MANEA: variants seen among roughly 807,000 people sequenced by gnomAD.
The protein encoded by MANEA is mannosidase endo-alpha, also known as glycoprotein endo-alpha-1,2-mannosidase.
MANEA carries 25 observed loss-of-function variants against 36.8 expected under a neutral mutation model. The observed-to-expected ratio is 0.68, with a 90% CI of 0.50 to 0.95. MANEA has a LOEUF of 0.95. MANEA is among the 40% of genes least tolerant of loss of function. The probability of loss-of-function intolerance (pLI) is 0.00; values close to 1 mark genes in which losing one functional copy is unlikely to be tolerated. For synonymous variants in MANEA, 198 were observed against 188.5 expected, an observed-to-expected ratio of 1.05 and a Z score of -0.41; for missense variants, 565 against 558.8, an observed-to-expected ratio of 1.01 and a Z score of -0.11.
In MANEA at chr6:95,586,822, T is replaced by C; in HGVS notation, c.383T>C (p.Leu128Ser). ...TATATACATTGGAATCATCCAGTGTTAGAGCATTGGGACCCTAGAATAGCC... is the reference window on the plus strand; with the variant it reads ...TATATACATTGGAATCATCCAGTGTCAGAGCATTGGGACCCTAGAATAGCC... ...GKYIHWNHPV[L>S]EHWDPRIAKN... is the part of the protein sequence containing the mutation. Residue 128 changes from leucine (L) to serine (S), a missense_variant, in exon 2 of 5, where the codon TTA becomes TCA. Coordinates refer to ENST00000358812, the MANE Select transcript of MANEA (RefSeq NM_024641.4). The C allele has an allele frequency of 1.2e-6, 2 of 1,613,916 alleles. No individual in the cohort carries two copies. Among genetic ancestry groups the C allele is most frequent in the African/African-American group, 2.7e-5 (2 of 75,038 alleles).
chr6:95,586,977 T>G lies in MANEA; in HGVS notation c.538T>G (p.Ser180Ala), dbSNP rs762966690. ...TCACATGAGACAAATGCGCTCAGCTTCAATTGGTAATTATTGTATATATAT... is the reference window on the plus strand; with the variant it reads ...TCACATGAGACAAATGCGCTCAGCTGCAATTGGTAATTATTGTATATATAT... Reference protein sequence around the residue: ...ETHMRQMRSASIGVLALSWYP... With the variant: ...ETHMRQMRSAAIGVLALSWYP... The change falls in exon 2 of 5, where the codon TCA becomes GCA. Residue 180 changes from serine to alanine, a missense_variant. By Grantham distance (99) the Ser-to-Ala change is moderately conservative (BLOSUM62 1). Coordinates refer to ENST00000358812, the MANE Select transcript of MANEA (RefSeq NM_024641.4). 1.3e-6 allele frequency: 2 copies of G among 1,574,564 alleles called. No homozygotes were observed. Among genetic ancestry groups the G allele is most frequent in the Admixed American group, 1.7e-5 (1 of 59,184 alleles).
intron 3 of MANEA, among the ~76,000 whole-genome samples, chr6:95,601,564 CATAAGCCAGTT>C (rs1157080684): frequency 4.6e-5 from 7 of 152,068 alleles, no homozygotes; most frequent in Non-Finnish European, 7.4e-5. Flanking sequence ...GCAGAACCAT[CATAAGCCAGTT>C]CATAGATTTT....
rs114180301 is a variant in MANEA, at chr6:95,595,598, A to T, written c.545-1139A>T. Among the ~76,000 whole-genome samples, 886 of 152,194 alleles carry T rather than the reference A, an allele frequency of 5.8e-3. 11 individuals are homozygous for T. The highest frequency in any genetic ancestry group is 0.02 in the African/African-American group (836 of 41,534). On this transcript the variant is annotated intron_variant, in intron 2 of 4. Coordinates refer to ENST00000358812, the MANE Select transcript of MANEA (RefSeq NM_024641.4). ...TCTTACCTTCAATTTCTTAATTTCC[A>T]TATGCTTCTCTTTTGGTACCATTAT...
intron 1 of MANEA, among the ~76,000 whole-genome samples, chr6:95,586,174 T>A (rs13205436): frequency 6.6e-6 from 1 of 152,202 alleles, no homozygotes; most frequent in East Asian, 1.9e-4. Context: ...TACATGGTGA[T>A]ATATCCAAAT....
Position 95,606,381 on chromosome 6 carries a change from A to G in MANEA, c.1365A>G (p.Leu455=). The G allele has an allele frequency of 1.3e-6, 2 of 1,597,188 alleles. No individual in the cohort carries two copies. The highest frequency in any genetic ancestry group is 1.7e-6 in the Non-Finnish European group (2 of 1,177,168). ...GTAAGGAAAGAGCAACTTATGCATT[A>G]GATCGCCAGCTGCCTGTTTCTTAAT... The part of the protein sequence containing the change: ...KYSKERATYA[L]DRQLPVS The change falls in exon 5 of 5, where the codon TTA becomes TTG. Residue 455 remains leucine (L), a synonymous_variant. Transcript: ENST00000358812.
chr6:95,598,899 C>T (rs891028427), intron 3 of MANEA, among the ~76,000 whole-genome samples: 1 of 152,144 alleles, frequency 6.6e-6, no homozygotes, highest in Non-Finnish European at 1.5e-5. Flanking sequence ...TGGTTCCAAT[C>T]ATATGAAATC....
chr6:95,607,667 TG>T lies in MANEA; in HGVS notation c.*1263del, dbSNP rs1240843465. 1 of 151,738 alleles carries T rather than the reference TG, an allele frequency of 6.6e-6. No homozygotes were observed. Among genetic ancestry groups the T allele is most frequent in the African/African-American group, 2.4e-5 (1 of 41,436 alleles). 9.4% of individuals were successfully genotyped at this position (151,738 alleles called of 1,614,324 possible). On this transcript the variant is annotated 3_prime_UTR_variant, in exon 5 of 5. Transcript: ENST00000358812. ...AATACTTGTTATCAATAACTTGTCATGTTGTGACAAATTGATCACTTGTGTA... is the reference window on the plus strand; with the variant it reads ...AATACTTGTTATCAATAACTTGTCATTTGTGACAAATTGATCACTTGTGTA...
chr6:95,582,715 T>C (rs1299697945), intron 1 of MANEA, among the ~76,000 whole-genome samples: 2 of 152,250 alleles, frequency 1.3e-5, no homozygotes, highest in Non-Finnish European at 2.9e-5. Flanking sequence ...TTACCATATT[T>C]GCTTACCATT....
intron 2 of MANEA, among the ~76,000 whole-genome samples, chr6:95,595,859 A>G (rs550986679): frequency 6.6e-5 from 10 of 151,824 alleles, no homozygotes; most frequent in African/African-American, 2.2e-4. Context: ...CTATGTTAGA[A>G]TCTTCTGTTA....
intron 3 of MANEA, among the ~76,000 whole-genome samples, 162 bp from the exon 4 acceptor site, chr6:95,604,665 T>C (rs1166139448): frequency 6.6e-6 from 1 of 152,056 alleles, no homozygotes; most frequent in Non-Finnish European, 1.5e-5. Context: ...TATTTAGCAG[T>C]AAATTTTATT....
intron 3 of MANEA, 27 bp downstream of exon 3, chr6:95,596,873 C>A (rs763910911): frequency 8.5e-7 from 1 of 1,180,618 alleles, no homozygotes; most frequent in Non-Finnish European, 1.3e-6. Context: ...TCAAGCTATA[C>A]ATAAGTTAAT....
At chr6:95,578,342 C>A (rs1236935617) in intron 1 of MANEA, among the ~76,000 whole-genome samples, 1 of 151,990 alleles carries the variant, frequency 6.6e-6, no homozygotes, top group Non-Finnish European at 1.5e-5. Context: ...TGTTGTAAGA[C>A]CCTACGGATA....
chr6:95,604,061 GGTGTGTGTGTGTGT>G (rs71012509), intron 3 of MANEA, among the ~76,000 whole-genome samples: 1 of 138,320 alleles, frequency 7.2e-6, no homozygotes, highest in African/African-American at 2.7e-5. Context: ...TATGTATGTA[GGTGTGTGTGTGTGT>G]GTGTGTGTGT....
intron 2 of MANEA, among the ~76,000 whole-genome samples, chr6:95,591,143 TG>T (rs1292305907): frequency 2.6e-5 from 4 of 152,234 alleles, no homozygotes; most frequent in South Asian, 4.1e-4. Context: ...AAAGTAAGAA[TG>T]TTTTTTACAT....
At position 95,586,489 on chromosome 6, in the gene MANEA, TA is replaced by T. The variant is rs767947140; in HGVS notation, c.51del (p.Phe18LeufsTer5). 8 of 1,613,044 alleles carry T rather than the reference TA, an allele frequency of 5.0e-6. No individual in the cohort carries two copies. Among genetic ancestry groups the T allele is most frequent in the Admixed American group, 1.7e-5 (1 of 59,798 alleles). ...RTCIILALFI[L>X]FIFSLMMGLK... The stretch of plus-strand genomic sequence containing the variant: ...TGCATCATTTTGGCACTTTTTATTC[TA>T]TTTATTTTCTCTCTGATGATGGGTT... On this transcript the variant is annotated frameshift_variant, in exon 2 of 5. Coordinates refer to ENST00000358812, the MANE Select transcript of MANEA (RefSeq NM_024641.4). LOFTEE classifies it high-confidence loss of function.
chr6:95,596,757 T>C lies in MANEA; in HGVS notation c.565T>C (p.Tyr189His). The C allele has an allele frequency of 6.2e-7, 1 of 1,601,642 alleles. No homozygotes were observed. Among genetic ancestry groups the C allele is most frequent in the Non-Finnish European group, 8.6e-7 (1 of 1,169,052 alleles). Residue 189 changes from tyrosine to histidine, a missense_variant, in exon 3 of 5, where the codon TAC becomes CAC. By Grantham distance (83) the Tyr-to-His change is moderately conservative. Transcript: ENST00000358812. ...ASIGVLALSW[Y>H]PPDVNDENGE... is the part of the protein sequence containing the mutation. ...ATTAGGTGTACTAGCCCTCTCTTGG[T>C]ACCCACCTGATGTAAATGATGAAAA...
intron 4 of MANEA, 89 bp downstream of exon 4, chr6:95,604,992 TTGAA>T: frequency 2.2e-6 from 1 of 464,202 alleles, no homozygotes; most frequent in Non-Finnish European, 3.8e-6. Flanking sequence ...TATTTGAGAT[TTGAA>T]TGATTTATGA....
At position 95,586,422 on chromosome 6, in the gene MANEA, A is replaced by C. The variant is rs753390692; in HGVS notation, c.-18A>C. On this transcript the variant is annotated 5_prime_UTR_variant, in exon 2 of 5. Coordinates refer to ENST00000358812, the MANE Select transcript of MANEA (RefSeq NM_024641.4). Reference sequence around the variant, plus strand: ...TGCAGCAAAACACTTACTATTTTGGAGTTTAAAGTATGTCATCATGGCAAA... The same window carrying C: ...TGCAGCAAAACACTTACTATTTTGGCGTTTAAAGTATGTCATCATGGCAAA... The C allele has an allele frequency of 7.6e-6, 12 of 1,579,228 alleles. No homozygotes were observed. Among genetic ancestry groups the C allele is most frequent in the Non-Finnish European group, 8.6e-6 (10 of 1,161,824 alleles).
rs1332804721 is a variant in MANEA, at chr6:95,605,965, T to C, written c.949T>C (p.Phe317Leu). 6.2e-7 allele frequency: 1 copy of C among 1,614,012 alleles called. No homozygotes were observed. Among genetic ancestry groups the C allele is most frequent in the Admixed American group, 1.7e-5 (1 of 59,988 alleles). ...TAAGTATGATATTCTTCAAAGTGGT[T>C]TTGATGGAATTTACACATATTTTGC... ...KHKYDILQSG[F>L]DGIYTYFATN... Residue 317 changes from phenylalanine to leucine, a missense_variant, in exon 5 of 5, where the codon TTT becomes CTT. Phe to Leu is a conservative substitution (Grantham distance 22). Coordinates refer to ENST00000358812, the MANE Select transcript of MANEA (RefSeq NM_024641.4).
Sources: gnomAD v4.1 joint callset for allele counts (sites outside exome capture counted in the v4.1 genomes callset) on GRCh38, gnomAD v4.1.1 for gene constraint, MANE v1.5 for transcripts, NCBI Gene and HGNC (gene_info 2026-07-23, HGNC 2026-07-21) for gene names.